The following ASTN2 variants were observed in gnomAD, a reference collection of about 807,000 sequenced individuals.
ASTN2 encodes the protein astrotactin-2.
ASTN2 carries 54 observed loss-of-function variants against 139.8 expected under a neutral mutation model. The ratio of observed to expected loss-of-function variants is 0.39; its 90% CI spans 0.31 to 0.48. The LOEUF is 0.48. Ranked by LOEUF, ASTN2 falls within the 20% of genes least tolerant of loss-of-function variation. The pLI is 0.95. For missense variants in ASTN2, 1,565 were observed against 1,725.1 expected (o/e 0.91, Z 1.64); for synonymous variants, 756 against 719.5 (o/e 1.05, Z -0.81).
At chr9:116,868,695 G>C (rs1328500050) in intron 10 of ASTN2, among the ~76,000 whole-genome samples, 2 of 152,222 alleles carry the variant, frequency 1.3e-5, no homozygotes, top group African/African-American at 4.8e-5. Context: ...CTGAAGGCCA[G>C]AAGTCCAAAA....
At chr9:116,585,455 T>C (rs1854108539) in intron 19 of ASTN2, 1 of 152,104 alleles carries the variant, frequency 6.6e-6, no homozygotes. Context: ...CCTTTATGAC[T>C]GATACAAAAA....
chr9:116,881,662 C>T (rs1023569739), intron 10 of ASTN2, among the ~76,000 whole-genome samples: 2 of 152,212 alleles, frequency 1.3e-5, no homozygotes, highest in African/African-American at 2.4e-5. Flanking sequence ...ACTGCCTTTG[C>T]ATGGTTTTGA....
At position 117,402,109 on chromosome 9, in the gene ASTN2, C is replaced by T. The variant is rs142630026; in HGVS notation, c.442+12388G>A. On this transcript the variant is annotated intron_variant, in intron 1 of 22. Coordinates refer to ENST00000313400, the MANE Select transcript of ASTN2 (RefSeq NM_001365068.1). ...TGAGACAGAGTCTTGTTCTGTCACCCAGGCTGGAGTGCAGTGGCACGATTT... is the reference window on the plus strand; with the variant it reads ...TGAGACAGAGTCTTGTTCTGTCACCTAGGCTGGAGTGCAGTGGCACGATTT... Among the ~76,000 whole-genome samples, 265 of 152,288 alleles carry T rather than the reference C, an allele frequency of 1.7e-3. 2 individuals are homozygous for T. The highest frequency in any genetic ancestry group is 4.7e-3 in the African/African-American group (194 of 41,550).
intron 2 of ASTN2, among the ~76,000 whole-genome samples, chr9:117,270,175 G>A (rs113440440): frequency 1.2e-4 from 19 of 152,092 alleles, no homozygotes; most frequent in Non-Finnish European, 1.5e-4. Flanking sequence ...ACTTTTTATG[G>A]TGGTAAGAAA....
At position 117,313,715 on chromosome 9, in the gene ASTN2, T is replaced by C. The variant is rs16934496; in HGVS notation, c.443-22202A>G. On this transcript the variant is annotated intron_variant, in intron 1 of 22. Transcript: ENST00000313400. The stretch of plus-strand genomic sequence containing the variant: ...CTCCAGAACCAGCCAGTTAGACACT[T>C]GGAAAGGACTCACATGGTAAGACAC... Among the ~76,000 whole-genome samples, 1,481 of 152,164 alleles carry C rather than the reference T, an allele frequency of 9.7e-3. 26 individuals carry two copies. Among genetic ancestry groups the C allele is most frequent in the African/African-American group, 0.033 (1,373 of 41,508 alleles).
At chr9:116,430,480 C>T (rs566784918) in intron 22 of ASTN2, among the ~76,000 whole-genome samples, 1 of 152,252 alleles carries the variant, frequency 6.6e-6, no homozygotes, top group South Asian at 2.1e-4. Context: ...AATGGTTTTG[C>T]TGGGAGGATG....
chr9:116,706,059 G>A (rs750223059), intron 16 of ASTN2, among the ~76,000 whole-genome samples: 9 of 152,104 alleles, frequency 5.9e-5, no homozygotes, highest in Non-Finnish European at 8.8e-5. Context: ...ACTTATAGAG[G>A]TGGTAGGGTA....
intron 10 of ASTN2, among the ~76,000 whole-genome samples, chr9:116,895,399 G>C (rs1199686440): frequency 6.6e-6 from 1 of 152,154 alleles, no homozygotes; most frequent in African/African-American, 2.4e-5. Flanking sequence ...TTCAGATAAG[G>C]GGATACTCAA....
chr9:117,108,800 C>G (rs990615199), intron 4 of ASTN2, among the ~76,000 whole-genome samples: 1 of 152,096 alleles, frequency 6.6e-6, no homozygotes, highest in Non-Finnish European at 1.5e-5. Context: ...TCTTCCCATG[C>G]AACAAACCAA....
chr9:117,106,931 C>T (rs1410939775), intron 4 of ASTN2, among the ~76,000 whole-genome samples: 4 of 152,138 alleles, frequency 2.6e-5, no homozygotes, highest in Non-Finnish European at 4.4e-5. Flanking sequence ...GTGCACACAT[C>T]TAGATTTATA....
At chr9:117,407,794 T>C (rs1004214608) in intron 1 of ASTN2, among the ~76,000 whole-genome samples, 2 of 152,212 alleles carry the variant, frequency 1.3e-5, no homozygotes, top group African/African-American at 4.8e-5. Flanking sequence ...AGAGAGGCTG[T>C]CTGCTCCATT....
intron 13 of ASTN2, among the ~76,000 whole-genome samples, chr9:116,783,020 G>A (rs1287827580): frequency 6.6e-6 from 1 of 152,092 alleles, no homozygotes; most frequent in Non-Finnish European, 1.5e-5. Flanking sequence ...CTTTTGTCTA[G>A]GATATACGCT....
chr9:116,519,782 G>A (rs956301748), intron 19 of ASTN2, among the ~76,000 whole-genome samples: 1 of 151,974 alleles, frequency 6.6e-6, no homozygotes, highest in African/African-American at 2.4e-5. Flanking sequence ...GAAAAGAAGA[G>A]AGAAGATCCA....
chr9:117,243,226 T>C (rs1247513320), intron 2 of ASTN2, among the ~76,000 whole-genome samples: 1 of 152,238 alleles, frequency 6.6e-6, no homozygotes, highest in Non-Finnish European at 1.5e-5. Flanking sequence ...GCTGTGGTTT[T>C]CTCACTACAA....
intron 7 of ASTN2, among the ~76,000 whole-genome samples, chr9:116,989,226 G>T (rs1836773560): frequency 6.6e-6 from 1 of 152,094 alleles, no homozygotes. Flanking sequence ...ATTTTCCAGA[G>T]TGCACTTTGA....
intron 10 of ASTN2, among the ~76,000 whole-genome samples, chr9:116,949,444 G>T (rs902313047): frequency 6.6e-6 from 1 of 151,836 alleles, no homozygotes; most frequent in Non-Finnish European, 1.5e-5. Context: ...CCTTTTCTTT[G>T]TTAAATGATG....
At chr9:116,519,102 C>T (rs1329062333) in intron 19 of ASTN2, among the ~76,000 whole-genome samples, 1 of 151,880 alleles carries the variant, frequency 6.6e-6, no homozygotes, top group Non-Finnish European at 1.5e-5. Context: ...GTCAACAAGA[C>T]AGAAAATCAA....
At chr9:117,234,763 TC>T (rs1376406145) in intron 2 of ASTN2, among the ~76,000 whole-genome samples, 1 of 152,154 alleles carries the variant, frequency 6.6e-6, no homozygotes, top group Non-Finnish European at 1.5e-5. Flanking sequence ...GAGAGCCTTT[TC>T]TAGGTCAGGC....
At chr9:116,929,487 TTC>T (rs1238782682) in intron 10 of ASTN2, among the ~76,000 whole-genome samples, 3 of 152,082 alleles carry the variant, frequency 2.0e-5, no homozygotes, top group African/African-American at 4.8e-5. Flanking sequence ...AAAAAGCCAG[TTC>T]ACCTGCTCCA....
Sources: allele counts gnomAD v4.1 joint callset (sites outside exome capture counted in the v4.1 genomes callset), GRCh38; gene constraint gnomAD v4.1.1; transcripts MANE v1.5; gene names NCBI Gene and HGNC (gene_info 2026-07-23, HGNC 2026-07-21).